SLC25A21: variants seen among roughly 807,000 people sequenced by gnomAD.
SLC25A21 encodes solute carrier family 25 member 21, also known as mitochondrial 2-oxodicarboxylate carrier.
Under a neutral mutation model 43.8 loss-of-function variants are expected in SLC25A21, and 47 were observed. The ratio of observed to expected loss-of-function variants is 1.07; its 90% CI spans 0.85 to 1.37. The LOEUF (loss-of-function observed/expected upper bound fraction) is 1.37. SLC25A21 is among the 40% of genes most tolerant of loss of function. The probability of loss-of-function intolerance (pLI) is 0.00; values close to 1 mark genes in which losing one functional copy is unlikely to be tolerated. For synonymous variants in SLC25A21, 131 were observed against 121.3 expected (o/e 1.08, Z -0.52); for missense variants, 352 against 350.2 (o/e 1.00, Z -0.04).
At chr14:36,825,331 A>G (rs59260669) in intron 2 of SLC25A21, among the ~76,000 whole-genome samples, 1,658 of 152,300 alleles carry the variant, frequency 0.011, 18 homozygotes, top group African/African-American at 0.038. Flanking sequence ...TCATGAACGC[A>G]TACTCAAAAG....
At chr14:36,794,720 G>A (rs1427725194) in intron 3 of SLC25A21, among the ~76,000 whole-genome samples, 4 of 149,434 alleles carry the variant, frequency 2.7e-5, no homozygotes, top group Admixed American at 2.7e-4. Flanking sequence ...AGTGAGCTGA[G>A]ATCACACCAC....
intron 1 of SLC25A21, among the ~76,000 whole-genome samples, chr14:36,925,989 C>T (rs1892120908): frequency 6.6e-6 from 1 of 152,114 alleles, no homozygotes; most frequent in African/African-American, 2.4e-5. Context: ...AAGACCTAAC[C>T]ATCATCAACT....
intron 1 of SLC25A21, among the ~76,000 whole-genome samples, chr14:36,883,505 T>C (rs1890815797): frequency 6.6e-6 from 1 of 152,214 alleles, no homozygotes; most frequent in Non-Finnish European, 1.5e-5. Flanking sequence ...TACTATATCA[T>C]TTATCTATTC....
chr14:36,845,426 G>A (rs1200376779), intron 2 of SLC25A21, among the ~76,000 whole-genome samples: 1 of 152,144 alleles, frequency 6.6e-6, no homozygotes, highest in South Asian at 2.1e-4. Flanking sequence ...GAGATTCATT[G>A]TAAAATACAG....
At chr14:36,832,510 G>A (rs760042511) in intron 2 of SLC25A21, among the ~76,000 whole-genome samples, 2 of 152,064 alleles carry the variant, frequency 1.3e-5, no homozygotes, top group African/African-American at 2.4e-5. Flanking sequence ...TAGTTGTAGA[G>A]GGATTTTCAA....
At chr14:36,896,586 G>A (rs937995254) in intron 1 of SLC25A21, among the ~76,000 whole-genome samples, 2 of 152,158 alleles carry the variant, frequency 1.3e-5, no homozygotes, top group African/African-American at 4.8e-5. Context: ...TCATTATGAT[G>A]GTAGCTGGTT....
intron 2 of SLC25A21, among the ~76,000 whole-genome samples, chr14:36,845,252 T>C (rs965491592): frequency 7.2e-5 from 11 of 152,168 alleles, no homozygotes; most frequent in African/African-American, 2.7e-4. Context: ...GCATGGATTT[T>C]TAAATATTAA....
chr14:36,811,165 T>C lies in SLC25A21; in HGVS notation c.203+2753A>G, dbSNP rs185269340. On this transcript the variant is annotated intron_variant, in intron 3 of 9. Transcript: ENST00000331299. The stretch of plus-strand genomic sequence containing the variant: ...CATGCCACAAAAGCTCTGCACACCA[T>C]GACAAGAAGCTTGAACTCCATACCA... 7.2e-5 allele frequency among the ~76,000 whole-genome samples: 11 copies of C among 152,250 alleles called. No homozygotes were observed. In the East Asian group the frequency reaches 1.7e-3, roughly 24 times the overall value.
chr14:36,794,629 G>T (rs940535776), intron 3 of SLC25A21, among the ~76,000 whole-genome samples: 1 of 152,062 alleles, frequency 6.6e-6, no homozygotes, highest in South Asian at 2.1e-4. Context: ...TTAGCCAGGT[G>T]TGGGTGGCGC....
chr14:37,098,163 G>A (rs1042413307), intron 1 of SLC25A21: 15 of 152,272 alleles, frequency 9.9e-5, no homozygotes, highest in African/African-American at 2.4e-4. Flanking sequence ...CAGGTGGGAC[G>A]GAGTAAGATT....
chr14:36,703,035 G>A (rs1371443907), intron 7 of SLC25A21, among the ~76,000 whole-genome samples: 2 of 152,282 alleles, frequency 1.3e-5, no homozygotes, highest in African/African-American at 2.4e-5. Flanking sequence ...ATAGGTACTT[G>A]TAGTTTTTCC....
intron 1 of SLC25A21, among the ~76,000 whole-genome samples, chr14:36,963,537 A>C (rs1012217135): frequency 5.9e-5 from 9 of 152,196 alleles, no homozygotes; most frequent in Non-Finnish European, 1.3e-4. Context: ...ACCAACCTAC[A>C]TGGCCACAGA....
chr14:36,974,332 T>C (rs964382006), intron 1 of SLC25A21, among the ~76,000 whole-genome samples: 5 of 152,236 alleles, frequency 3.3e-5, no homozygotes, highest in African/African-American at 1.2e-4. Context: ...ATATCCTCTC[T>C]ACTCCTTCAT....
chr14:37,023,105 C>G (rs763760524), intron 1 of SLC25A21, among the ~76,000 whole-genome samples: 4 of 151,936 alleles, frequency 2.6e-5, no homozygotes, highest in Non-Finnish European at 5.9e-5. Flanking sequence ...ATCTCCAGGA[C>G]AGTTTGGCTC....
chr14:36,699,212 C>A (rs1883172861), intron 7 of SLC25A21, among the ~76,000 whole-genome samples: 1 of 151,652 alleles, frequency 6.6e-6, no homozygotes, highest in Non-Finnish European at 1.5e-5. Context: ...TTGGAGTTTG[C>A]TGGAGGTCCA....
chr14:36,995,281 T>C (rs1960347634), intron 1 of SLC25A21, among the ~76,000 whole-genome samples: 3 of 152,226 alleles, frequency 2.0e-5, no homozygotes, highest in Admixed American at 6.5e-5. Flanking sequence ...TATCCTAAAT[T>C]ATTCATTTGT....
At chr14:36,946,859 C>T (rs1290621308) in intron 1 of SLC25A21, among the ~76,000 whole-genome samples, 1 of 152,128 alleles carries the variant, frequency 6.6e-6, no homozygotes, top group African/African-American at 2.4e-5. Flanking sequence ...CCAACCTGTG[C>T]TCAGACCATG....
intron 3 of SLC25A21, among the ~76,000 whole-genome samples, chr14:36,760,938 G>C (rs1886132714): frequency 6.6e-6 from 1 of 152,154 alleles, no homozygotes; most frequent in Non-Finnish European, 1.5e-5. Context: ...AGTGTAAAGT[G>C]GTTTTTGCCT....
intron 6 of SLC25A21, among the ~76,000 whole-genome samples, chr14:36,715,203 A>G (rs1216817073): frequency 6.6e-6 from 1 of 152,222 alleles, no homozygotes; most frequent in East Asian, 1.9e-4. Context: ...GGATAAAGAA[A>G]ACCAGAACTC....
Sources: gnomAD v4.1 joint callset for allele counts (sites outside exome capture counted in the v4.1 genomes callset) on GRCh38, gnomAD v4.1.1 for gene constraint, MANE v1.5 for transcripts, NCBI Gene and HGNC (gene_info 2026-07-23, HGNC 2026-07-21) for gene names.